The following SYNDIG1L variants were observed in gnomAD, a reference collection of about 807,000 sequenced individuals.
The protein encoded by SYNDIG1L is synapse differentiation inducing 1 like.
SYNDIG1L carries 13 observed loss-of-function variants against 20.1 expected under a neutral mutation model. The observed-to-expected ratio is 0.65, with a 90% CI of 0.42 to 1.03. SYNDIG1L has a LOEUF of 1.03. Among genes scored for constraint, SYNDIG1L ranks in the 50% least tolerant of loss-of-function variants. The pLI, the probability that SYNDIG1L is intolerant of heterozygous loss-of-function variation, is 0.00. For synonymous variants in SYNDIG1L, 128 were observed against 129.3 expected (o/e 0.99, Z 0.07); for missense variants, 294 against 305.1 (o/e 0.96, Z 0.27).
At chr14:74,432,101 A>G in the SYNDIG1L span, among the ~76,000 whole-genome samples, 1 of 150,210 alleles carries the variant, frequency 6.7e-6, no homozygotes, top group East Asian at 2.0e-4. Context: ...TTGCCAGAAC[A>G]CCCACTCCCA....
intron 1 of SYNDIG1L, among the ~76,000 whole-genome samples, chr14:74,413,179 T>C (rs1379843142): frequency 6.6e-6 from 1 of 152,204 alleles, no homozygotes; most frequent in African/African-American, 2.4e-5. Context: ...TCAGACTTTC[T>C]TGGTCAAAGT....
upstream of SYNDIG1L, among the ~76,000 whole-genome samples, chr14:74,427,538 A>C (rs959180518): frequency 6.6e-6 from 1 of 152,146 alleles, no homozygotes; most frequent in Non-Finnish European, 1.5e-5. Flanking sequence ...CCTTCAAGGC[A>C]GGACAGAGAA....
the SYNDIG1L span, among the ~76,000 whole-genome samples, chr14:74,467,001 T>C: frequency 1.3e-5 from 2 of 152,224 alleles, no homozygotes; most frequent in African/African-American, 2.4e-5. Flanking sequence ...GGGAAATTCC[T>C]TGGGCCATGT....
chr14:74,419,819 T>G (rs2086207301), intron 1 of SYNDIG1L, among the ~76,000 whole-genome samples: 1 of 152,124 alleles, frequency 6.6e-6, no homozygotes. Context: ...GGTGACCGAA[T>G]GAGAGAAGGG....
upstream of SYNDIG1L, among the ~76,000 whole-genome samples, chr14:74,430,261 C>T (rs1254028726): frequency 6.6e-6 from 1 of 152,154 alleles, no homozygotes; most frequent in Non-Finnish European, 1.5e-5. Context: ...CATTTGCACC[C>T]TGGCAGAGTA....
chr14:74,467,726 G>A, the SYNDIG1L span, among the ~76,000 whole-genome samples: 1 of 152,236 alleles, frequency 6.6e-6, no homozygotes, highest in Non-Finnish European at 1.5e-5. Context: ...AGGGCAGTAG[G>A]AGCATGGATT....
chr14:74,454,430 T>A, the SYNDIG1L span, among the ~76,000 whole-genome samples: 1 of 152,152 alleles, frequency 6.6e-6, no homozygotes, highest in Non-Finnish European at 1.5e-5. Flanking sequence ...GGCCGATGGA[T>A]GAAATGAGTA....
At position 74,407,852 on chromosome 14, in the gene SYNDIG1L, C is replaced by G; in HGVS notation, c.555G>C (p.Gln185His). 1 of 1,612,122 alleles carries G rather than the reference C, an allele frequency of 6.2e-7. No individual in the cohort carries two copies. Among genetic ancestry groups the G allele is most frequent in the African/African-American group, 1.3e-5 (1 of 75,002 alleles). The change falls in exon 3 of 4, where the codon CAG (glutamine) becomes CAC (histidine). Residue 185 changes from glutamine to histidine, a missense_variant. Gln to His is a conservative substitution (Grantham distance 24). Transcript: ENST00000331628. Reference protein sequence around the residue: ...PLGIAAFYFSQGTSKAISKGD... With the variant: ...PLGIAAFYFSHGTSKAISKGD... The stretch of plus-strand genomic sequence containing the variant: ...CCTGGGCCCCAGGTGCTCTTACCCC[C>G]TGGGAGAAGTAGAAGGCAGCAATGC...
the SYNDIG1L span, chr14:74,476,270 T>G: frequency 1.7e-6 from 1 of 603,978 alleles, no homozygotes; most frequent in Non-Finnish European, 2.9e-6. Context: ...TGCTTTTTGA[T>G]CTGGCACACC....
the SYNDIG1L span, among the ~76,000 whole-genome samples, chr14:74,438,190 T>A: frequency 7.2e-5 from 11 of 152,340 alleles, no homozygotes; most frequent in South Asian, 1.9e-3. Flanking sequence ...TGACTAGTCA[T>A]CCTAAGTGTG....
intron 1 of SYNDIG1L, among the ~76,000 whole-genome samples, chr14:74,421,823 A>G (rs946202247): frequency 1.3e-5 from 2 of 152,148 alleles, no homozygotes; most frequent in Admixed American, 1.3e-4. Flanking sequence ...AGACAGATAA[A>G]ACAGCTTGAA....
the SYNDIG1L span, among the ~76,000 whole-genome samples, chr14:74,460,712 T>C: frequency 6.6e-6 from 1 of 152,140 alleles, no homozygotes; most frequent in South Asian, 2.1e-4. Flanking sequence ...CTCGGCTCAC[T>C]GCAACCTCCG....
In SYNDIG1L at chr14:74,406,223, A is replaced by G. The variant is rs2240624; in HGVS notation, c.*1312T>C. Reference sequence around the variant, plus strand: ...GTGTTGAGACTGGCACTGAGCAGAGATATCAGTGAAGATGCCCCAGGGGTA... The same window carrying G: ...GTGTTGAGACTGGCACTGAGCAGAGGTATCAGTGAAGATGCCCCAGGGGTA... On this transcript the variant is annotated 3_prime_UTR_variant, in exon 4 of 4. Coordinates refer to ENST00000331628, the MANE Select transcript of SYNDIG1L (RefSeq NM_001105579.2). 0.64 allele frequency: 254,958 copies of G among 397,136 alleles called. 82,043 individuals carry two copies. The highest frequency in any genetic ancestry group is 0.68 in the South Asian group (4,808 of 7,046). 24.6% of individuals were successfully genotyped at this position (397,136 alleles called of 1,614,324 possible).
chr14:74,409,285 T>G, intron 2 of SYNDIG1L, 43 bp downstream of exon 2: 1 of 1,347,532 alleles, frequency 7.4e-7, no homozygotes. Context: ...GGTCTCCTTG[T>G]GTTGCTCATG....
intron 1 of SYNDIG1L, among the ~76,000 whole-genome samples, chr14:74,410,091 G>C (rs970192687): frequency 3.9e-5 from 6 of 152,198 alleles, no homozygotes; most frequent in African/African-American, 1.2e-4. Flanking sequence ...TGGATGCTTG[G>C]GGTACCATGG....
chr14:74,427,666 C>A (rs557803541), upstream of SYNDIG1L, among the ~76,000 whole-genome samples: 1 of 152,250 alleles, frequency 6.6e-6, no homozygotes, highest in East Asian at 1.9e-4. Flanking sequence ...TGAGAAGCCC[C>A]CTGAGGCCAG....
At chr14:74,408,994 T>C (rs988582063) in intron 2 of SYNDIG1L, among the ~76,000 whole-genome samples, 1 of 152,100 alleles carries the variant, frequency 6.6e-6, no homozygotes, top group African/African-American at 2.4e-5. Context: ...TCCTGGGCCC[T>C]AATCCAGGCC....
intron 1 of SYNDIG1L, among the ~76,000 whole-genome samples, chr14:74,418,101 C>G (rs1178421669): frequency 6.6e-6 from 1 of 152,178 alleles, no homozygotes; most frequent in African/African-American, 2.4e-5. Flanking sequence ...AGGCGCTAGA[C>G]CGTCTTCTAA....
At chr14:74,465,728 A>G in the SYNDIG1L span, among the ~76,000 whole-genome samples, 2 of 152,272 alleles carry the variant, frequency 1.3e-5, no homozygotes, top group East Asian at 3.9e-4. Context: ...GACCTCCCCA[A>G]CCCTGGGCCT....
Sources: gnomAD v4.1 joint callset for allele counts (sites outside exome capture counted in the v4.1 genomes callset) on GRCh38, gnomAD v4.1.1 for gene constraint, MANE v1.5 for transcripts, NCBI Gene and HGNC (gene_info 2026-07-23, HGNC 2026-07-21) for gene names.